Variants in SEMA4D observed in about 807,000 individuals in gnomAD.
SEMA4D encodes semaphorin 4D.
In SEMA4D, 22 loss-of-function variants were observed where a neutral mutation model predicts 74.8. The observed-to-expected ratio is 0.29, with a 90% CI of 0.21 to 0.42. The LOEUF (loss-of-function observed/expected upper bound fraction) is 0.42, where lower values mean the gene tolerates loss of function less well. Ranked by LOEUF, SEMA4D falls within the 10% of genes least tolerant of loss-of-function variation. The probability of loss-of-function intolerance (pLI) is 1.00; values close to 1 mark genes in which losing one functional copy is unlikely to be tolerated. For missense variants in SEMA4D, 937 were observed against 1,118.4 expected (o/e 0.84, Z 2.31); for synonymous variants, 445 against 463.7 (o/e 0.96, Z 0.52).
chr9:89,397,939 C>T lies in SEMA4D; in HGVS notation c.316-1104G>A, dbSNP rs1841357562. ...GGGAATGAGTATTCGGCCCAGGGCT[C>T]CCTGAATGAGTACCACACTGAGGGG... On this transcript the variant is annotated intron_variant, in intron 5 of 15. Coordinates refer to ENST00000422704, the MANE Select transcript of SEMA4D (RefSeq NM_001371194.2). 2.6e-5 allele frequency among the ~76,000 whole-genome samples: 4 copies of T among 152,050 alleles called. No homozygotes were observed. The South Asian group carries it at 8.3e-4, about 32-fold the overall frequency.
chr9:89,431,665 CTTTT>C (rs1337023348), intron 2 of SEMA4D, among the ~76,000 whole-genome samples: 1 of 152,084 alleles, frequency 6.6e-6, no homozygotes, highest in African/African-American at 2.4e-5. Context: ...GCTCAGCTAT[CTTTT>C]TATTTTTTTG....
chr9:89,363,873 G>A, exon 17 of SEMA4D: 1 of 1,614,150 alleles, frequency 6.2e-7, no homozygotes, highest in Non-Finnish European at 8.5e-7. Context: ...CCATCGGGCA[G>A]TGCATGGGTC....
At chr9:89,461,700 C>CTCTCTCTCTCTTTTTTTTTTTTT in intron 1 of SEMA4D, among the ~76,000 whole-genome samples, 2 of 103,646 alleles carry the variant, frequency 1.9e-5, no homozygotes, top group East Asian at 7.3e-4. Context: ...TCTTTTTTCT[C>CTCTCTCTCTCTTTTTTTTTTTTT]TTTTTTTTTT....
chr9:89,385,866 G>GGGGGGGCCCCCCCC, intron 13 of SEMA4D: 2 of 196,226 alleles, frequency 1.0e-5, no homozygotes, highest in Non-Finnish European at 1.8e-5. Flanking sequence ...CAGCGTGGAT[G>GGGGGGGCCCCCCCC]CCCGCCCACC....
At chr9:89,404,707 CCG>C in intron 3 of SEMA4D, among the ~76,000 whole-genome samples, 1 of 150,890 alleles carries the variant, frequency 6.6e-6, no homozygotes, top group Non-Finnish European at 1.5e-5. Flanking sequence ...CAGCCACCCA[CCG>C]CAGCATCCCA....
intron 6 of SEMA4D, among the ~76,000 whole-genome samples, chr9:89,394,052 A>G (rs1840397600): frequency 6.6e-6 from 1 of 152,250 alleles, no homozygotes; most frequent in South Asian, 2.1e-4. Flanking sequence ...ACGGCATTCT[A>G]AGCAGCTAGG....
At chr9:89,386,303 T>C (rs781667265) in intron 13 of SEMA4D, 64 bp downstream of exon 13, 4 of 1,325,792 alleles carry the variant, frequency 3.0e-6, no homozygotes, top group Non-Finnish European at 4.2e-6. Context: ...CCAACTCTCC[T>C]GTCACCTAGA....
chr9:89,450,101 A>G (rs1302916815), intron 2 of SEMA4D: 9 of 1,217,288 alleles, frequency 7.4e-6, no homozygotes, highest in Admixed American at 3.4e-5. Context: ...ACTGCATGCC[A>G]ATAGAAGGTA....
chr9:89,379,365 A>G lies in SEMA4D; in HGVS notation c.1928T>C (p.Val643Ala). Residue 643 changes from valine to alanine, a missense_variant, in exon 16 of 16, where the codon GTC (valine) becomes GCC (alanine). Physicochemically the swap from Val to Ala is moderately conservative, Grantham distance 64 (BLOSUM62 0). Transcript: ENST00000422704. ...KTVFQVVAKHVLEVKVVPKPV... is the reference protein window; with the variant it reads ...KTVFQVVAKHALEVKVVPKPV... ...CTTTGGAACCACCTTCACTTCCAGG[A>G]CGTGCTTGGCGACCACTTGGAAGAC... is the stretch of plus-strand genomic sequence containing the variant. 1 of 1,614,184 alleles carries G rather than the reference A, an allele frequency of 6.2e-7. No homozygotes were observed. The highest frequency in any genetic ancestry group is 8.5e-7 in the Non-Finnish European group (1 of 1,180,030).
chr9:89,449,795 C>T, intron 2 of SEMA4D: 3 of 1,498,076 alleles, frequency 2.0e-6, no homozygotes, highest in Non-Finnish European at 1.9e-6. Flanking sequence ...TTCCCACCAG[C>T]ATTTTGGTAA....
At chr9:89,454,794 G>T (rs78915527) in intron 2 of SEMA4D, among the ~76,000 whole-genome samples, 8 of 152,180 alleles carry the variant, frequency 5.3e-5, no homozygotes, top group Admixed American at 3.3e-4. Flanking sequence ...CCACCCTCGG[G>T]GTGGCGAAGA....
chr9:89,369,375 A>T (rs1033901744), intron 16 of SEMA4D: 79 of 152,244 alleles, frequency 5.2e-4, no homozygotes, highest in African/African-American at 1.9e-3. Context: ...AAATCCAAAT[A>T]TCTAAATGCT....
chr9:89,385,178 C>A (rs1476391773), intron 13 of SEMA4D: 2 of 903,670 alleles, frequency 2.2e-6, no homozygotes, highest in Non-Finnish European at 2.6e-6. Context: ...CCTCTTCCTA[C>A]CCCCTTCTGC....
intron 1 of SEMA4D, among the ~76,000 whole-genome samples, chr9:89,459,055 T>C (rs1340201859): frequency 2.0e-5 from 3 of 152,126 alleles, no homozygotes; most frequent in African/African-American, 7.2e-5. Context: ...TCCCACCCAC[T>C]CACACGCTGG....
downstream of SEMA4D, among the ~76,000 whole-genome samples, chr9:89,372,483 T>C (rs935663579): frequency 1.3e-5 from 2 of 151,766 alleles, no homozygotes; most frequent in Non-Finnish European, 2.9e-5. Flanking sequence ...TAAATGTGCA[T>C]TGCTAGCCGC....
intron 12 of SEMA4D, 23 bp from the exon 13 acceptor site, chr9:89,386,505 C>T: frequency 6.5e-7 from 1 of 1,528,158 alleles, no homozygotes; most frequent in Non-Finnish European, 9.1e-7. Flanking sequence ...AGCTACAGGT[C>T]AGTGACACTA....
intron 1 of SEMA4D, among the ~76,000 whole-genome samples, chr9:89,477,407 A>C (rs1193732864): frequency 2.0e-5 from 3 of 152,198 alleles, no homozygotes; most frequent in Middle Eastern, 3.2e-3. Context: ...TGTCCTGCTA[A>C]TCAATGCCTT....
chr9:89,388,840 G>A (rs940081578), intron 10 of SEMA4D, 32 bp downstream of exon 10: 3 of 1,608,820 alleles, frequency 1.9e-6, no homozygotes, highest in Non-Finnish European at 2.6e-6. Context: ...CATCAAGGGA[G>A]CAAGGAGGGG....
rs117902055 is a variant in SEMA4D, at chr9:89,400,435, C to T, written c.253-1097G>A. Among the ~76,000 whole-genome samples, 24 of 152,312 alleles carry T rather than the reference C, an allele frequency of 1.6e-4. No individual in the cohort carries two copies. The East Asian group carries it at 4.6e-3, about 29-fold the overall frequency. ...TTTTTCTCCACCAAAAGGCTTGTAG[C>T]AGGTGTCAGGACTCAGAGGTTAGGA... On this transcript the variant is annotated intron_variant, in intron 4 of 15. Coordinates refer to ENST00000422704, the MANE Select transcript of SEMA4D (RefSeq NM_001371194.2).
Sources: gnomAD v4.1 joint callset for allele counts (sites outside exome capture counted in the v4.1 genomes callset) on GRCh38, gnomAD v4.1.1 for gene constraint, MANE v1.5 for transcripts, NCBI Gene and HGNC (gene_info 2026-07-23, HGNC 2026-07-21) for gene names.